NTNG1: variants seen among roughly 807,000 people sequenced by gnomAD.
NTNG1 encodes netrin G1, also known as netrin-G1.
In NTNG1, 16 loss-of-function variants were observed where a neutral mutation model predicts 54.0. That is an observed-to-expected ratio of 0.30 (90% CI 0.20 to 0.45). NTNG1 has a LOEUF of 0.45. Ranked by LOEUF, NTNG1 falls within the 20% of genes least tolerant of loss-of-function variation. The probability of loss-of-function intolerance (pLI) is 1.00; values close to 1 mark genes in which losing one functional copy is unlikely to be tolerated. For missense variants in NTNG1, 530 were observed against 678.7 expected (o/e 0.78, Z 2.43); for synonymous variants, 255 against 263.1 (o/e 0.97, Z 0.30).
Position 107,297,247 on chromosome 1 carries a change from GCGCACA to G in NTNG1, c.247-27033_247-27028del, listed in dbSNP as rs1666034634. On this transcript the variant is annotated intron_variant, in intron 2 of 7. Coordinates refer to ENST00000370068, the MANE Select transcript of NTNG1 (RefSeq NM_001113226.3). ...TATATATATATATATATATATATAT[GCGCACA>G]CACACACACACACAGCAGTTAAGGA... 4.0e-4 allele frequency among the ~76,000 whole-genome samples: 4 copies of G among 9,982 alleles called. 1 individual carries two copies. Among genetic ancestry groups the G allele is most frequent in the Non-Finnish European group, 7.4e-4 (3 of 4,064 alleles). 6.5% of individuals were successfully genotyped at this position (9,982 alleles called of 152,430 possible). A position where few individuals can be genotyped will look rare whatever the true frequency, so the allele number is the denominator to read the frequency against.
At chr1:107,275,222 CA>C (rs1471841691) in intron 2 of NTNG1, among the ~76,000 whole-genome samples, 5 of 151,974 alleles carry the variant, frequency 3.3e-5, no homozygotes, top group East Asian at 1.9e-4. Context: ...ACTAAAAATA[CA>C]AAAATTAGCC....
rs528655341 is a variant in NTNG1 at position 107,160,510 on chromosome 1, T to C, written c.246+11671T>C. Among the ~76,000 whole-genome samples, 41 of 152,280 alleles carry C rather than the reference T, an allele frequency of 2.7e-4. 1 individual carries two copies. Among genetic ancestry groups the C allele is most frequent in the Admixed American group, 2.7e-3 (41 of 15,278 alleles). On this transcript the variant is annotated intron_variant, in intron 2 of 7. Coordinates refer to ENST00000370068, the MANE Select transcript of NTNG1 (RefSeq NM_001113226.3). ...TACTATCAACATCATTTATATACTA[T>C]ATAATATAAGCTATTATAAAATAGA...
At chr1:107,206,047 T>C (rs1659165682) in intron 2 of NTNG1, among the ~76,000 whole-genome samples, 1 of 152,180 alleles carries the variant, frequency 6.6e-6, no homozygotes, top group South Asian at 2.1e-4. Context: ...TTTTCATAGT[T>C]TCCAGGGCTG....
rs1306477007 is a variant in NTNG1, at chr1:107,141,154, G to A, written c.-526+14G>A. ...GCGGAGGCGAAGGTAATTAAGCGGC[G>A]GGGAGTGGCGGGCCGGCGCTGGGTT... On this transcript the variant is annotated intron_variant, in intron 1 of 7. Coordinates refer to ENST00000370068, the MANE Select transcript of NTNG1 (RefSeq NM_001113226.3). 3 of 152,270 alleles carry A rather than the reference G, an allele frequency of 2.0e-5. No homozygotes were observed. Among genetic ancestry groups the A allele is most frequent in the African/African-American group, 7.2e-5 (3 of 41,398 alleles). 9.4% of individuals were successfully genotyped at this position (152,270 alleles called of 1,614,324 possible). A position where few individuals can be genotyped will look rare whatever the true frequency, so the allele number is the denominator to read the frequency against.
chr1:107,436,822 C>G (rs754502438), intron 7 of NTNG1, 23 bp downstream of exon 7: 20 of 1,610,702 alleles, frequency 1.2e-5, no homozygotes, highest in Non-Finnish European at 1.7e-5. Flanking sequence ...GGGAGCTGCC[C>G]TCTGCCTGCT....
At chr1:107,180,778 A>C (rs1318551326) in intron 2 of NTNG1, among the ~76,000 whole-genome samples, 2 of 152,190 alleles carry the variant, frequency 1.3e-5, no homozygotes, top group Admixed American at 6.5e-5. Flanking sequence ...ACAAAACTAA[A>C]ACATAATAAT....
At chr1:107,297,427 G>A (rs1666050390) in intron 2 of NTNG1, among the ~76,000 whole-genome samples, 1 of 151,692 alleles carries the variant, frequency 6.6e-6, no homozygotes, top group South Asian at 2.1e-4. Context: ...TAGGTGCATA[G>A]TAATTCACTA....
At chr1:107,334,499 C>T (rs908520998) in intron 3 of NTNG1, among the ~76,000 whole-genome samples, 4 of 151,496 alleles carry the variant, frequency 2.6e-5, no homozygotes, top group Non-Finnish European at 5.9e-5. Context: ...TCTAAGAGGT[C>T]AGAGATTTGG....
intron 7 of NTNG1, among the ~76,000 whole-genome samples, chr1:107,479,462 G>A (rs979107852): frequency 3.3e-5 from 5 of 149,880 alleles, no homozygotes; most frequent in Non-Finnish European, 7.4e-5. Flanking sequence ...GGCATCCCTG[G>A]GGAAATTTCA....
chr1:107,365,694 A>T (rs963643343), intron 3 of NTNG1, among the ~76,000 whole-genome samples: 7 of 152,190 alleles, frequency 4.6e-5, no homozygotes, highest in Admixed American at 2.0e-4. Flanking sequence ...ATGAGATATG[A>T]TTTGTAACAA....
At chr1:107,311,584 G>A (rs1265415215) in intron 2 of NTNG1, among the ~76,000 whole-genome samples, 2 of 151,966 alleles carry the variant, frequency 1.3e-5, no homozygotes, top group African/African-American at 4.8e-5. Flanking sequence ...CATTGAAATG[G>A]TTAGTTCTTT....
intron 2 of NTNG1, 69 bp downstream of exon 2, chr1:107,148,908 GT>G: frequency 6.8e-7 from 1 of 1,463,334 alleles, no homozygotes; most frequent in African/African-American, 1.4e-5. Flanking sequence ...TACAGATGTG[GT>G]GAGTGTGAAG....
intron 2 of NTNG1, among the ~76,000 whole-genome samples, chr1:107,235,300 G>A (rs533814976): frequency 1.3e-3 from 193 of 151,930 alleles, no homozygotes; most frequent in African/African-American, 4.5e-3. Flanking sequence ...GGACTTTTTG[G>A]ATCCATCAGA....
intron 6 of NTNG1, among the ~76,000 whole-genome samples, chr1:107,435,412 A>G (rs1300158218): frequency 6.6e-6 from 1 of 152,180 alleles, no homozygotes; most frequent in African/African-American, 2.4e-5. Context: ...ATTTTTACCT[A>G]CATATATAAC....
intron 5 of NTNG1, among the ~76,000 whole-genome samples, chr1:107,412,250 A>G (rs919498587): frequency 6.6e-6 from 1 of 152,190 alleles, no homozygotes; most frequent in Non-Finnish European, 1.5e-5. Flanking sequence ...GAATTCCTGT[A>G]CTGTGCCAGT....
intron 7 of NTNG1, 37 bp from the exon 8 acceptor site, chr1:107,480,574 G>T: frequency 9.3e-6 from 3 of 324,106 alleles, no homozygotes; most frequent in East Asian, 5.1e-5. Flanking sequence ...TCTCCTCCCC[G>T]CGCCCACCCA....
chr1:107,173,341 GA>G (rs1409086010), intron 2 of NTNG1, among the ~76,000 whole-genome samples: 1 of 152,006 alleles, frequency 6.6e-6, no homozygotes, highest in Non-Finnish European at 1.5e-5. Context: ...TGATTCTTTA[GA>G]AATAACCATT....
intron 7 of NTNG1, among the ~76,000 whole-genome samples, chr1:107,472,907 G>T (rs1678074314): frequency 6.6e-6 from 1 of 152,104 alleles, no homozygotes; most frequent in Non-Finnish European, 1.5e-5. Flanking sequence ...CAAAACAGCT[G>T]CAAAAGCTGT....
chr1:107,383,718 A>T (rs1671780718), intron 3 of NTNG1, among the ~76,000 whole-genome samples: 1 of 152,242 alleles, frequency 6.6e-6, no homozygotes, highest in Admixed American at 6.5e-5. Flanking sequence ...ACTTGAACTC[A>T]GCCCCTTTTG....
Sources: allele counts gnomAD v4.1 joint callset (sites outside exome capture counted in the v4.1 genomes callset), GRCh38; gene constraint gnomAD v4.1.1; transcripts MANE v1.5; gene names NCBI Gene and HGNC (gene_info 2026-07-23, HGNC 2026-07-21).